LARGE1: variants seen among roughly 807,000 people sequenced by gnomAD.
LARGE1 encodes the protein LARGE xylosyl- and glucuronyltransferase 1, also known as xylosyl- and glucuronyltransferase LARGE1.
A neutral mutation model predicts 87.6 loss-of-function variants in LARGE1; 43 were observed. The observed-to-expected ratio is 0.49, with a 90% CI of 0.38 to 0.63. LARGE1 has a LOEUF of 0.63. LARGE1 is among the 30% of genes least tolerant of loss of function. The pLI is 0.00. For synonymous variants in LARGE1, 434 were observed against 394.6 expected (o/e 1.10, Z -1.18); for missense variants, 802 against 1,000.2 (o/e 0.80, Z 2.67).
intron 1 of LARGE1, 89 bp from the exon 2 acceptor site, chr22:33,761,647 A>C (rs775842077): frequency 1.5e-6 from 1 of 670,330 alleles, no homozygotes; most frequent in Non-Finnish European, 2.7e-6. Context: ...TAGATCCTGA[A>C]AGGGGTTCAA....
At chr22:33,640,882 C>A (rs1602913037) in intron 3 of LARGE1, among the ~76,000 whole-genome samples, 1 of 152,158 alleles carries the variant, frequency 6.6e-6, no homozygotes, top group African/African-American at 2.4e-5. Flanking sequence ...CCTCACTGGG[C>A]AGGACACCTC....
downstream of LARGE1, among the ~76,000 whole-genome samples, chr22:33,160,373 A>C (rs188963183): frequency 1.3e-3 from 205 of 152,354 alleles, no homozygotes; most frequent in Middle Eastern, 3.4e-3. Flanking sequence ...AGAAAAAATC[A>C]GCTAGGAGTT....
the LARGE1 span, among the ~76,000 whole-genome samples, chr22:33,069,517 AT>A: frequency 6.6e-6 from 1 of 152,144 alleles, no homozygotes; most frequent in Non-Finnish European, 1.5e-5. Flanking sequence ...TCACCACATG[AT>A]CACTGCCAAG....
chr22:33,845,664 A>C (rs1265800283), intron 1 of LARGE1, among the ~76,000 whole-genome samples: 2 of 152,154 alleles, frequency 1.3e-5, no homozygotes, highest in Non-Finnish European at 2.9e-5. Flanking sequence ...AGACTAAATC[A>C]TTATTTCACT....
chr22:33,808,683 T>C (rs910771974), intron 1 of LARGE1, among the ~76,000 whole-genome samples: 4 of 152,314 alleles, frequency 2.6e-5, no homozygotes, highest in Admixed American at 1.3e-4. Flanking sequence ...CAGTGACGAG[T>C]ACACTGGAGT....
intron 1 of LARGE1, among the ~76,000 whole-genome samples, chr22:33,911,322 G>A (rs769673052): frequency 2.6e-5 from 4 of 152,176 alleles, no homozygotes; most frequent in Non-Finnish European, 4.4e-5. Context: ...TTCCAGCCTT[G>A]GTAGTCTCTC....
the LARGE1 span, among the ~76,000 whole-genome samples, chr22:33,077,977 A>T: frequency 6.6e-6 from 1 of 151,944 alleles, no homozygotes; most frequent in African/African-American, 2.4e-5. Context: ...CTTTTGAGTG[A>T]AATCTGAACT....
At chr22:33,822,817 A>G (rs1483226961) in intron 1 of LARGE1, among the ~76,000 whole-genome samples, 1 of 152,210 alleles carries the variant, frequency 6.6e-6, no homozygotes, top group African/African-American at 2.4e-5. Flanking sequence ...CACACGTAGG[A>G]ATGATCTTCC....
intron 7 of LARGE1, among the ~76,000 whole-genome samples, chr22:33,427,329 C>T (rs755095168): frequency 6.6e-6 from 1 of 152,098 alleles, no homozygotes; most frequent in Non-Finnish European, 1.5e-5. Flanking sequence ...TCCGAAGCTG[C>T]GGTGGCTCAG....
intron 6 of LARGE1, among the ~76,000 whole-genome samples, chr22:33,563,873 T>G (rs775854885): frequency 2.0e-5 from 3 of 152,124 alleles, no homozygotes; most frequent in Non-Finnish European, 4.4e-5. Flanking sequence ...AGCCCAGAGC[T>G]CAGAAGCCCT....
chr22:33,332,127 T>C (rs1157604755), intron 10 of LARGE1, among the ~76,000 whole-genome samples: 9 of 152,126 alleles, frequency 5.9e-5, no homozygotes, highest in Non-Finnish European at 2.9e-5. Flanking sequence ...GGGTGGATGA[T>C]ATGGTTTGGC....
the LARGE1 span, among the ~76,000 whole-genome samples, chr22:33,146,639 G>A: frequency 6.6e-6 from 1 of 152,154 alleles, no homozygotes; most frequent in African/African-American, 2.4e-5. Flanking sequence ...CCATGGTGGA[G>A]CAGAAGAGAA....
intron 2 of LARGE1, among the ~76,000 whole-genome samples, chr22:33,761,106 C>T (rs1339934651): frequency 1.3e-5 from 2 of 151,980 alleles, no homozygotes; most frequent in East Asian, 1.9e-4. Context: ...CTCCCATTAT[C>T]GACAAAGTAA....
At chr22:33,552,437 G>C (rs1006266001) in intron 6 of LARGE1, among the ~76,000 whole-genome samples, 3 of 150,672 alleles carry the variant, frequency 2.0e-5, no homozygotes, top group Non-Finnish European at 4.4e-5. Context: ...CTCAACACGG[G>C]AGACACAAGC....
intron 3 of LARGE1, among the ~76,000 whole-genome samples, chr22:33,641,878 T>C (rs2080445258): frequency 6.6e-6 from 1 of 151,938 alleles, no homozygotes; most frequent in Non-Finnish European, 1.5e-5. Flanking sequence ...AATATGGGAC[T>C]ATGTGAAAAG....
At chr22:33,797,007 G>T (rs981469864) in intron 1 of LARGE1, among the ~76,000 whole-genome samples, 2 of 152,062 alleles carry the variant, frequency 1.3e-5, no homozygotes, top group East Asian at 3.9e-4. Context: ...CAAGTGATCC[G>T]CCTGCCTCAG....
chr22:33,482,757 A>C (rs566168000), intron 6 of LARGE1, among the ~76,000 whole-genome samples: 1 of 152,346 alleles, frequency 6.6e-6, no homozygotes, highest in Non-Finnish European at 1.5e-5. Flanking sequence ...CAGTTATTTA[A>C]AAATGTACAA....
chr22:33,505,471 C>T lies in LARGE1; in HGVS notation c.787+59377G>A, dbSNP rs374768069. ...GGAGGCAGAGACTGGGCTCGTTTCCCTGGAAGAAGAAAAGGCTCACAGGGC... is the reference window on the plus strand; with the variant it reads ...GGAGGCAGAGACTGGGCTCGTTTCCTTGGAAGAAGAAAAGGCTCACAGGGC... On this transcript the variant is annotated intron_variant, in intron 6 of 14. Coordinates refer to ENST00000397394, the MANE Select transcript of LARGE1 (RefSeq NM_133642.5). Among the ~76,000 whole-genome samples, 20 of 152,282 alleles carry T rather than the reference C, an allele frequency of 1.3e-4. No individual in the cohort carries two copies. In the South Asian group the frequency reaches 1.5e-3, roughly 11 times the overall value.
chr22:33,873,789 G>C (rs1019009569), intron 1 of LARGE1, among the ~76,000 whole-genome samples: 2 of 151,440 alleles, frequency 1.3e-5, no homozygotes, highest in Non-Finnish European at 2.9e-5. Flanking sequence ...ACCAGGCCTA[G>C]GATCTGCCTC....
Sources: allele counts gnomAD v4.1 joint callset (sites outside exome capture counted in the v4.1 genomes callset), GRCh38; gene constraint gnomAD v4.1.1; transcripts MANE v1.5; gene names NCBI Gene and HGNC (gene_info 2026-07-23, HGNC 2026-07-21).